The following NOS1AP variants were observed in gnomAD, a reference collection of about 807,000 sequenced individuals.
The protein encoded by NOS1AP is carboxyl-terminal PDZ ligand of neuronal nitric oxide synthase protein.
Under a neutral mutation model 56.2 loss-of-function variants are expected in NOS1AP, and 21 were observed. That is an observed-to-expected ratio of 0.37 (90% CI 0.26 to 0.54). The LOEUF is 0.54. Among genes scored for constraint, NOS1AP ranks in the 20% least tolerant of loss-of-function variants. The probability of loss-of-function intolerance (pLI) is 0.84; values close to 1 mark genes in which losing one functional copy is unlikely to be tolerated. For missense variants in NOS1AP, 522 were observed against 657.8 expected, an observed-to-expected ratio of 0.79 and a Z score of 2.26; for synonymous variants, 270 against 274.6, an observed-to-expected ratio of 0.98 and a Z score of 0.17.
chr1:162,323,510 A>T lies in NOS1AP; in HGVS notation c.345-9507A>T, dbSNP rs916036549. On this transcript the variant is annotated intron_variant, in intron 4 of 9. Coordinates refer to ENST00000361897, the MANE Select transcript of NOS1AP (RefSeq NM_014697.3). ...CTCTGTTTCTTCATCTGTAAAATGGAGATAATAACTGTATCCACTTCATAC... is the reference window on the plus strand; with the variant it reads ...CTCTGTTTCTTCATCTGTAAAATGGTGATAATAACTGTATCCACTTCATAC... 5.9e-5 allele frequency among the ~76,000 whole-genome samples: 9 copies of T among 152,320 alleles called. No individual in the cohort carries two copies. The South Asian group carries it at 1.5e-3, about 25-fold the overall frequency.
intron 2 of NOS1AP, among the ~76,000 whole-genome samples, chr1:162,249,609 A>T (rs1653785550): frequency 6.6e-6 from 1 of 152,204 alleles, no homozygotes; most frequent in South Asian, 2.1e-4. Context: ...TCATTTTCAT[A>T]TACATGAGCT....
At chr1:162,295,320 C>G (rs917807366) in intron 3 of NOS1AP, among the ~76,000 whole-genome samples, 1 of 152,148 alleles carries the variant, frequency 6.6e-6, no homozygotes. Context: ...GCTACCAAGA[C>G]TCCAAGTCTT....
intron 5 of NOS1AP, 29 bp from the exon 6 acceptor site, chr1:162,343,806 A>C: frequency 1.2e-6 from 2 of 1,613,802 alleles, no homozygotes; most frequent in Non-Finnish European, 1.7e-6. Context: ...ATCCTCACCC[A>C]TCCTGTTCTT....
At position 162,169,080 on chromosome 1, in the gene NOS1AP, T is replaced by C. The variant is rs1650641148; in HGVS notation, c.177+14604T>C. On this transcript the variant is annotated intron_variant, in intron 2 of 9. Transcript: ENST00000361897. ...TTGGCGGGGATTTCTGAAAGATTGA[T>C]GGGATTCTAACTGCCTAACAGTTCC... Among the ~76,000 whole-genome samples, 3 of 152,246 alleles carry C rather than the reference T, an allele frequency of 2.0e-5. No individual in the cohort carries two copies. The South Asian group carries it at 6.2e-4, about 31-fold the overall frequency.
At chr1:162,156,593 C>CA (rs1167104497) in intron 2 of NOS1AP, among the ~76,000 whole-genome samples, 1 of 151,448 alleles carries the variant, frequency 6.6e-6, no homozygotes, top group Admixed American at 6.6e-5. Flanking sequence ...GGGTTTCAAC[C>CA]AAAAAAAGTC....
chr1:162,346,682 G>A (rs995577590), intron 6 of NOS1AP, among the ~76,000 whole-genome samples: 14 of 152,186 alleles, frequency 9.2e-5, no homozygotes, highest in African/African-American at 3.1e-4. Context: ...TACTTTTATG[G>A]CCTTTATACT....
intron 4 of NOS1AP, among the ~76,000 whole-genome samples, chr1:162,311,740 A>C (rs1400612164): frequency 1.2e-3 from 143 of 119,092 alleles, no homozygotes; most frequent in Admixed American, 1.9e-3. Context: ...CCCTCCCCCC[A>C]CCCCACAACA....
intron 2 of NOS1AP, among the ~76,000 whole-genome samples, chr1:162,227,946 C>T (rs987536122): frequency 6.6e-6 from 1 of 152,008 alleles, no homozygotes; most frequent in East Asian, 1.9e-4. Flanking sequence ...TTTAGAGTAT[C>T]GGAGAAAGAC....
At chr1:162,217,169 G>A (rs1337012881) in intron 2 of NOS1AP, among the ~76,000 whole-genome samples, 1 of 151,246 alleles carries the variant, frequency 6.6e-6, no homozygotes, top group Non-Finnish European at 1.5e-5. Flanking sequence ...AGGGAAACAA[G>A]CCTATACGAC....
intron 2 of NOS1AP, among the ~76,000 whole-genome samples, chr1:162,283,591 G>C (rs1655000752): frequency 6.6e-6 from 1 of 152,098 alleles, no homozygotes. Context: ...TTCACTCCTG[G>C]CTCCTGTTGG....
chr1:162,155,458 G>T (rs12146133), intron 2 of NOS1AP, among the ~76,000 whole-genome samples: 15,040 of 147,358 alleles, frequency 0.1, 838 homozygotes, highest in South Asian at 0.18. Flanking sequence ...TATATATATA[G>T]AGAGAGAGAG....
At chr1:162,128,801 T>A (rs1419561204) in intron 1 of NOS1AP, among the ~76,000 whole-genome samples, 1 of 152,240 alleles carries the variant, frequency 6.6e-6, no homozygotes, top group Non-Finnish European at 1.5e-5. Context: ...TTTCTTTTGT[T>A]ACTTGAAGAA....
At position 162,109,315 on chromosome 1, in the gene NOS1AP, A is replaced by G. The variant is rs530394314; in HGVS notation, c.105+39033A>G. The stretch of plus-strand genomic sequence containing the variant: ...AACAATTTTGAGACAACCAGGGAGA[A>G]TTTGAGCACTGGCTGGCTATCTGAT... On this transcript the variant is annotated intron_variant, in intron 1 of 9. Transcript: ENST00000361897. 1.4e-4 allele frequency among the ~76,000 whole-genome samples: 21 copies of G among 152,356 alleles called. No homozygotes were observed. In the South Asian group the frequency reaches 4.3e-3, roughly 32 times the overall value.
chr1:162,330,610 A>G (rs947575723), intron 4 of NOS1AP, among the ~76,000 whole-genome samples: 1 of 152,182 alleles, frequency 6.6e-6, no homozygotes, highest in African/African-American at 2.4e-5. Context: ...CATGCTAAGG[A>G]GTTTGGACTT....
rs542125158 is a variant in NOS1AP, at chr1:162,152,712, T to G, written c.106-1693T>G. On this transcript the variant is annotated intron_variant, in intron 1 of 9. Transcript: ENST00000361897. Reference sequence around the variant, plus strand: ...TGCTTGCCAGCTGTGTTCTTCAGTGTATTAGCACAAACTGTTGATCAATAC... The same window carrying G: ...TGCTTGCCAGCTGTGTTCTTCAGTGGATTAGCACAAACTGTTGATCAATAC... Among the ~76,000 whole-genome samples the G allele has an allele frequency of 2.6e-3, 389 of 152,356 alleles. 1 individual carries two copies. The highest frequency in any genetic ancestry group is 9.9e-3 in the Admixed American group (152 of 15,306).
chr1:162,267,407 A>G (rs961936012), intron 2 of NOS1AP, among the ~76,000 whole-genome samples: 1 of 150,972 alleles, frequency 6.6e-6, no homozygotes, highest in Non-Finnish European at 1.5e-5. Context: ...CCACTGGAAT[A>G]ACCACTATGA....
chr1:162,259,389 G>A (rs1412908353), intron 2 of NOS1AP, among the ~76,000 whole-genome samples: 1 of 152,020 alleles, frequency 6.6e-6, no homozygotes, highest in African/African-American at 2.4e-5. Context: ...AATAATATTA[G>A]GATGCTTGCT....
intron 2 of NOS1AP, among the ~76,000 whole-genome samples, chr1:162,246,197 T>C (rs984242384): frequency 6.6e-6 from 1 of 152,232 alleles, no homozygotes; most frequent in Non-Finnish European, 1.5e-5. Context: ...GAATCCATTT[T>C]TTATTTAATC....
In NOS1AP at chr1:162,333,085, G is replaced by A; in HGVS notation, c.413G>A (p.Ser138Asn). 2 of 1,613,906 alleles carry A rather than the reference G, an allele frequency of 1.2e-6. No individual in the cohort carries two copies. The highest frequency in any genetic ancestry group is 1.7e-6 in the Non-Finnish European group (2 of 1,179,818). The change falls in exon 5 of 10, where the codon AGC (serine) becomes AAC (asparagine). Residue 138 changes from serine (S) to asparagine (N), a missense_variant. By Grantham distance (46) the Ser-to-Asn change is conservative. Coordinates refer to ENST00000361897, the MANE Select transcript of NOS1AP (RefSeq NM_014697.3). ...IFSYIARDGASNIFRCNVFKS... is the reference protein window; with the variant it reads ...IFSYIARDGANNIFRCNVFKS... ...AGCTATATCGCTCGAGATGGTGCCA[G>A]CAATATCTTCAGGTGTAACGTCTTT...
Sources: gnomAD v4.1 joint callset for allele counts (sites outside exome capture counted in the v4.1 genomes callset) on GRCh38, gnomAD v4.1.1 for gene constraint, MANE v1.5 for transcripts, NCBI Gene and HGNC (gene_info 2026-07-23, HGNC 2026-07-21) for gene names.